TMCC1: variants seen among roughly 807,000 people sequenced by gnomAD.
TMCC1 encodes transmembrane and coiled-coil domains protein 1.
Under a neutral mutation model 52.4 loss-of-function variants are expected in TMCC1, and 15 were observed. The ratio of observed to expected loss-of-function variants is 0.29; its 90% CI spans 0.19 to 0.44. TMCC1 has a LOEUF of 0.44. Ranked by LOEUF, TMCC1 falls within the 20% of genes least tolerant of loss-of-function variation. TMCC1 has a pLI of 1.00. For missense variants in TMCC1, 503 were observed against 806.0 expected (o/e 0.62, Z 4.55); for synonymous variants, 279 against 301.9 (o/e 0.92, Z 0.79).
chr3:129,866,485 C>T (rs963318518), intron 2 of TMCC1, among the ~76,000 whole-genome samples: 8 of 149,666 alleles, frequency 5.3e-5, no homozygotes, highest in African/African-American at 2.0e-4. Context: ...TCAAGCAATT[C>T]TCCTGCCTCA....
intron 4 of TMCC1, among the ~76,000 whole-genome samples, chr3:129,741,174 A>C (rs1325660347): frequency 6.6e-6 from 1 of 152,210 alleles, no homozygotes; most frequent in Non-Finnish European, 1.5e-5. Context: ...TGCTGTGTTG[A>C]CTATGACAGT....
intron 5 of TMCC1, among the ~76,000 whole-genome samples, chr3:129,668,688 C>T (rs963084111): frequency 6.6e-6 from 1 of 152,292 alleles, no homozygotes; most frequent in Non-Finnish European, 1.5e-5. Context: ...TGTGATGGCA[C>T]GATCTCGGCT....
chr3:129,727,123 C>A (rs529170242), intron 4 of TMCC1, among the ~76,000 whole-genome samples: 1 of 151,800 alleles, frequency 6.6e-6, no homozygotes, highest in Non-Finnish European at 1.5e-5. Flanking sequence ...TGTATGAAAA[C>A]AATGGAACAA....
chr3:129,667,220 TAAAAA>T (rs1202933776), intron 5 of TMCC1, among the ~76,000 whole-genome samples: 1,323 of 85,802 alleles, frequency 0.015, 46 homozygotes, highest in Admixed American at 0.092. Context: ...CCCTGACTCT[TAAAAA>T]AAAAAAAAAA....
intron 4 of TMCC1, among the ~76,000 whole-genome samples, chr3:129,770,447 T>C (rs925142759): frequency 6.6e-6 from 1 of 151,618 alleles, no homozygotes; most frequent in Non-Finnish European, 1.5e-5. Context: ...GCCCAGGAGG[T>C]AGAGGTTGCA....
At chr3:129,735,165 T>C (rs1430766320) in intron 4 of TMCC1, among the ~76,000 whole-genome samples, 1 of 152,192 alleles carries the variant, frequency 6.6e-6, no homozygotes, top group Non-Finnish European at 1.5e-5. Context: ...CCTCCCAAAG[T>C]GTTGGGATTA....
At chr3:129,719,106 G>T (rs1220578813) in intron 4 of TMCC1, among the ~76,000 whole-genome samples, 1 of 152,144 alleles carries the variant, frequency 6.6e-6, no homozygotes, top group Admixed American at 6.5e-5. Context: ...GGGTGAGGCT[G>T]GTCATCAGAA....
chr3:129,866,021 T>C (rs1176292286), intron 2 of TMCC1, among the ~76,000 whole-genome samples: 1 of 151,998 alleles, frequency 6.6e-6, no homozygotes, highest in Non-Finnish European at 1.5e-5. Context: ...TCATATACCA[T>C]AGTTTATGGA....
In TMCC1 at chr3:129,662,728, CTA is replaced by C. The variant is rs781723949; in HGVS notation, c.1511+7600_1511+7601del. On this transcript the variant is annotated intron_variant, in intron 5 of 6. Transcript: ENST00000393238. ...CAAAATGTCATTATTCAGCACATGA[CTA>C]TGTGTGATTTTGGCTGGCAAATGAT... is the stretch of plus-strand genomic sequence containing the variant. 8.5e-5 allele frequency among the ~76,000 whole-genome samples: 13 copies of C among 152,262 alleles called. No homozygotes were observed. The East Asian group carries it at 1.7e-3, about 20-fold the overall frequency.
chr3:129,675,747 A>C (rs1175689651), intron 4 of TMCC1, among the ~76,000 whole-genome samples: 2 of 152,150 alleles, frequency 1.3e-5, no homozygotes, highest in East Asian at 1.9e-4. Flanking sequence ...TCTTAAAAAC[A>C]ACATTACAGG....
chr3:129,678,796 T>C (rs1229942605), intron 4 of TMCC1, among the ~76,000 whole-genome samples: 1 of 152,220 alleles, frequency 6.6e-6, no homozygotes, highest in Non-Finnish European at 1.5e-5. Context: ...ACTCAATGTC[T>C]GAACCCAGAT....
intron 5 of TMCC1, among the ~76,000 whole-genome samples, chr3:129,663,699 GAAAT>G (rs1178104144): frequency 1.3e-5 from 2 of 152,120 alleles, no homozygotes; most frequent in Admixed American, 6.6e-5. Context: ...AATAATACAG[GAAAT>G]AAATAAAAAC....
At chr3:129,753,755 G>C (rs950062282) in intron 4 of TMCC1, among the ~76,000 whole-genome samples, 1 of 152,124 alleles carries the variant, frequency 6.6e-6, no homozygotes, top group Non-Finnish European at 1.5e-5. Flanking sequence ...TTAATGGTGA[G>C]AGAATGAATG....
Position 129,651,271 on chromosome 3 carries a change from C to A in TMCC1, c.*210G>T. On this transcript the variant is annotated 3_prime_UTR_variant, in exon 7 of 7. Transcript: ENST00000393238. The surrounding 1 kb of genome is among the most constrained non-coding windows in gnomAD (Gnocchi z 5.1). ...AAAATCATGCTACATAAAAATGATCCAAGATTTTCGCCCAAAAAACTTCTT... is the reference window on the plus strand; with the variant it reads ...AAAATCATGCTACATAAAAATGATCAAAGATTTTCGCCCAAAAAACTTCTT... 1 of 576,542 alleles carries A rather than the reference C, an allele frequency of 1.7e-6. No homozygotes were observed. Among genetic ancestry groups the A allele is most frequent in the Non-Finnish European group, 3.0e-6 (1 of 336,936 alleles). The allele number at this position is 576,542 out of a possible 1,614,324, so 35.7% of individuals were successfully genotyped here. A position where few individuals can be genotyped will look rare whatever the true frequency, so the allele number is the denominator to read the frequency against.
chr3:129,797,326 A>G (rs2056896397), intron 4 of TMCC1, among the ~76,000 whole-genome samples: 1 of 151,248 alleles, frequency 6.6e-6, no homozygotes, highest in Admixed American at 6.7e-5. Flanking sequence ...ACTCCATCTC[A>G]AACAAAAAAA....
chr3:129,695,719 G>A (rs2047369041), intron 4 of TMCC1, among the ~76,000 whole-genome samples: 1 of 152,100 alleles, frequency 6.6e-6, no homozygotes, highest in South Asian at 2.1e-4. Flanking sequence ...ATTTGGGTAG[G>A]GACACAGCCA....
intron 4 of TMCC1, among the ~76,000 whole-genome samples, chr3:129,742,932 A>G (rs79912058): frequency 0.067 from 10,202 of 152,256 alleles, 439 homozygotes; most frequent in South Asian, 0.094. Context: ...AGCCAGCCCC[A>G]AAGGACGACA....
At chr3:129,680,890 A>G (rs2088913113) in intron 4 of TMCC1, among the ~76,000 whole-genome samples, 1 of 149,508 alleles carries the variant, frequency 6.7e-6, no homozygotes, top group South Asian at 2.1e-4. Context: ...ATAGAGCAAG[A>G]CTCTGTCTCA....
At chr3:129,771,709 A>C (rs1358953914) in intron 4 of TMCC1, among the ~76,000 whole-genome samples, 1 of 137,158 alleles carries the variant, frequency 7.3e-6, no homozygotes, top group Non-Finnish European at 1.5e-5. Context: ...CAGGAGGTCA[A>C]GGCTGCAGTG....
Sources: gnomAD v4.1 joint callset for allele counts (sites outside exome capture counted in the v4.1 genomes callset) on GRCh38, gnomAD v4.1.1 for gene constraint, Gnocchi (gnomAD v3.1) non-coding constraint, MANE v1.5 for transcripts, NCBI Gene and HGNC (gene_info 2026-07-23, HGNC 2026-07-21) for gene names.